ACTR3C: variants seen among roughly 807,000 people sequenced by gnomAD.
The protein encoded by ACTR3C is actin related protein 3C, also known as actin-related protein 3C.
In ACTR3C, 18 loss-of-function variants were observed where a neutral mutation model predicts 26.3. The observed-to-expected ratio is 0.68, with a 90% CI of 0.47 to 1.01. The LOEUF is 1.01. ACTR3C is among the 50% of genes least tolerant of loss of function. ACTR3C has a pLI of 0.00. For missense variants in ACTR3C, 184 were observed against 250.7 expected, an observed-to-expected ratio of 0.73 and a Z score of 1.80; for synonymous variants, 55 against 94.5, an observed-to-expected ratio of 0.58 and a Z score of 2.42.
the ACTR3C span, among the ~76,000 whole-genome samples, chr7:149,910,878 C>G: frequency 6.6e-6 from 1 of 151,554 alleles, no homozygotes; most frequent in Admixed American, 6.6e-5. Context: ...CCTCAAATCA[C>G]ACATTGCTGC....
chr7:150,199,429 C>G, the ACTR3C span, among the ~76,000 whole-genome samples: 3 of 103,550 alleles, frequency 2.9e-5, no homozygotes, highest in East Asian at 4.9e-4. Context: ...AGAGTCATCA[C>G]CAATCCCTAA....
the ACTR3C span, among the ~76,000 whole-genome samples, chr7:150,009,969 C>A: frequency 1.3e-5 from 2 of 152,214 alleles, no homozygotes; most frequent in Non-Finnish European, 2.9e-5. Context: ...CCATTACTTG[C>A]CAATTTAAAC....
chr7:150,089,606 A>G, the ACTR3C span, among the ~76,000 whole-genome samples: 1 of 152,178 alleles, frequency 6.6e-6, no homozygotes, highest in Non-Finnish European at 1.5e-5. Flanking sequence ...TATTATGTTA[A>G]AGGTTATCCT....
At chr7:150,242,207 A>C (rs11489452), downstream of ACTR3C, among the ~76,000 whole-genome samples, 27,949 of 149,002 alleles carry the variant, frequency 0.19, 4,660 homozygotes, top group African/African-American at 0.45. Context: ...CACAGTGAGA[A>C]CTTGTCTCAA....
chr7:150,001,509 G>A, the ACTR3C span: 1 of 152,386 alleles, frequency 6.6e-6, no homozygotes, highest in Admixed American at 6.5e-5. Context: ...CCACACCCAC[G>A]ACAAGCTTAC....
downstream of ACTR3C, chr7:150,243,772 T>G (rs951141846): frequency 1.3e-4 from 20 of 152,114 alleles, no homozygotes; most frequent in Admixed American, 5.2e-4. Context: ...AAAAAAAGTC[T>G]GTACACATTC....
At chr7:150,208,011 G>A in the ACTR3C span, among the ~76,000 whole-genome samples, 19 of 152,096 alleles carry the variant, frequency 1.2e-4, no homozygotes, top group East Asian at 1.9e-4. Flanking sequence ...CCTCCTGCCC[G>A]AAACAAATAA....
the ACTR3C span, among the ~76,000 whole-genome samples, chr7:149,889,819 A>C: frequency 6.6e-6 from 1 of 152,206 alleles, no homozygotes; most frequent in Non-Finnish European, 1.5e-5. Context: ...ATTGTGCCAC[A>C]GAACTCTAAC....
At chr7:150,107,105 G>T in the ACTR3C span, among the ~76,000 whole-genome samples, 2 of 144,420 alleles carry the variant, frequency 1.4e-5, no homozygotes, top group Admixed American at 6.8e-5. Context: ...GGGGACAAAT[G>T]CACACACACT....
intron 1 of ACTR3C, among the ~76,000 whole-genome samples, chr7:150,298,152 T>C (rs1795099675): frequency 6.6e-6 from 1 of 150,794 alleles, no homozygotes; most frequent in Non-Finnish European, 1.5e-5. Context: ...CATGTGGCAA[T>C]ACCAACCTGG....
the ACTR3C span, among the ~76,000 whole-genome samples, chr7:149,984,060 C>G: frequency 6.6e-6 from 1 of 152,010 alleles, no homozygotes; most frequent in Non-Finnish European, 1.5e-5. Flanking sequence ...TTTCAGTTAA[C>G]AAGACTTAAA....
chr7:150,186,304 C>T, the ACTR3C span, among the ~76,000 whole-genome samples: 5 of 152,154 alleles, frequency 3.3e-5, no homozygotes, highest in East Asian at 1.9e-4. Context: ...AAATTTATCA[C>T]GGCAAACACA....
At chr7:150,070,559 T>G in the ACTR3C span, among the ~76,000 whole-genome samples, 3 of 152,078 alleles carry the variant, frequency 2.0e-5, no homozygotes, top group Non-Finnish European at 4.4e-5. Flanking sequence ...GGAGTGATCC[T>G]CCCACTGCAA....
At chr7:150,024,851 G>A in the ACTR3C span, among the ~76,000 whole-genome samples, 2 of 149,962 alleles carry the variant, frequency 1.3e-5, no homozygotes, top group Admixed American at 6.6e-5. Context: ...CATTACAAAT[G>A]CACAATCAGG....
At chr7:149,890,951 C>T in the ACTR3C span, 1 of 244,316 alleles carries the variant, frequency 4.1e-6, no homozygotes, top group South Asian at 5.8e-5. Flanking sequence ...GCAATTCCAT[C>T]ACTGAGCTGC....
chr7:150,106,493 T>C, the ACTR3C span, among the ~76,000 whole-genome samples: 3 of 150,060 alleles, frequency 2.0e-5, no homozygotes, highest in Non-Finnish European at 4.4e-5. Flanking sequence ...CTTTGGAGAC[T>C]CTAGAGGAAA....
chr7:150,011,124 C>A, the ACTR3C span, among the ~76,000 whole-genome samples: 1 of 152,040 alleles, frequency 6.6e-6, no homozygotes, highest in South Asian at 2.1e-4. Flanking sequence ...ATGAGCTATG[C>A]CCTTCTCATA....
At chr7:150,106,317 G>A in the ACTR3C span, among the ~76,000 whole-genome samples, 2 of 150,294 alleles carry the variant, frequency 1.3e-5, no homozygotes, top group Non-Finnish European at 3.0e-5. Context: ...GCATTATCAC[G>A]TACTCCACTA....
At chr7:150,082,141 T>C in the ACTR3C span, among the ~76,000 whole-genome samples, 1 of 152,226 alleles carries the variant, frequency 6.6e-6, no homozygotes, top group Non-Finnish European at 1.5e-5. Flanking sequence ...TGTGAACTGT[T>C]CCTTCCTTTC....
Sources: allele counts gnomAD v4.1 joint callset (sites outside exome capture counted in the v4.1 genomes callset), GRCh38; gene constraint gnomAD v4.1.1; transcripts MANE v1.5; gene names NCBI Gene and HGNC (gene_info 2026-07-23, HGNC 2026-07-21).